NBEAL1: variants seen among roughly 807,000 people sequenced by gnomAD.
The protein encoded by NBEAL1 is neurobeachin like 1, also known as neurobeachin-like protein 1.
In NBEAL1, 273 loss-of-function variants were observed where a neutral mutation model predicts 351.3. That is an observed-to-expected ratio of 0.78 (90% CI 0.70 to 0.86). The LOEUF (loss-of-function observed/expected upper bound fraction) is 0.86, where lower values mean the gene tolerates loss of function less well. Ranked by LOEUF, NBEAL1 falls within the 40% of genes least tolerant of loss-of-function variation. The pLI is 0.00. For synonymous variants in NBEAL1, 1,050 were observed against 1,086.4 expected (o/e 0.97, Z 0.66); for missense variants, 2,961 against 3,201.3 (o/e 0.92, Z 1.81).
intron 45 of NBEAL1, among the ~76,000 whole-genome samples, chr2:203,189,915 C>G (rs2065017549): frequency 6.6e-6 from 1 of 151,674 alleles, no homozygotes; most frequent in Non-Finnish European, 1.5e-5. Flanking sequence ...GCAGGCAGAT[C>G]ACCTGAGGTC....
intron 16 of NBEAL1, 44 bp downstream of exon 16, chr2:203,112,142 A>G: frequency 6.6e-7 from 1 of 1,515,154 alleles, no homozygotes; most frequent in South Asian, 1.3e-5. Context: ...ATTGGTTGAG[A>G]ATTCTTGAAA....
intron 42 of NBEAL1, among the ~76,000 whole-genome samples, chr2:203,177,150 CAAAA>C (rs201081239): frequency 5.0e-5 from 3 of 60,378 alleles, no homozygotes; most frequent in Admixed American, 1.9e-4. Flanking sequence ...AGCTCTATCT[CAAAA>C]AAAAAAAAAA....
chr2:203,110,767 CTTTTT>C (rs71034215), intron 15 of NBEAL1, among the ~76,000 whole-genome samples: 1 of 106,716 alleles, frequency 9.4e-6, no homozygotes, highest in Non-Finnish European at 1.8e-5. Flanking sequence ...TTTCTTTTTT[CTTTTT>C]TTTTTTTTTT....
chr2:203,063,387 C>A (rs576666663), intron 6 of NBEAL1, among the ~76,000 whole-genome samples: 3 of 137,496 alleles, frequency 2.2e-5, no homozygotes, highest in Non-Finnish European at 3.1e-5. Context: ...TTGAAGCCTG[C>A]AGTGAGCTAT....
At chr2:203,117,566 CCTCCCAGTTCTTTTGTTT>C (rs771628706) in intron 18 of NBEAL1, among the ~76,000 whole-genome samples, 10 of 152,326 alleles carry the variant, frequency 6.6e-5, no homozygotes, top group Middle Eastern at 3.4e-3. Context: ...TTCTTTTCTT[CCTCCCAGTTCTTTTGTTT>C]CTCCCAGTTC....
At chr2:203,184,839 A>G (rs1247872400) in intron 44 of NBEAL1, among the ~76,000 whole-genome samples, 5 of 151,654 alleles carry the variant, frequency 3.3e-5, no homozygotes, top group Non-Finnish European at 7.4e-5. Flanking sequence ...AAGTGAGAGG[A>G]TCACTTGAGC....
At position 203,151,559 on chromosome 2, in the gene NBEAL1, G is replaced by A; in HGVS notation, c.5557G>A (p.Glu1853Lys). The change falls in exon 35 of 56, where the codon GAG (glutamate) becomes AAG (lysine). Residue 1853 changes from glutamate (E) to lysine (K), a missense_variant. By Grantham distance (56) the Glu-to-Lys change is moderately conservative (BLOSUM62 1). Coordinates refer to ENST00000683969, the MANE Select transcript of NBEAL1 (RefSeq NM_001378026.1). Reference protein sequence around the residue: ...LVPNYNFKTHEEASALRDNLG... With the variant: ...LVPNYNFKTHKEASALRDNLG... The stretch of plus-strand genomic sequence containing the variant: ...ACCGAATTATAATTTCAAAACCCAT[G>A]AGGAAGCTAGTGCCTTGAGAGATAA... 6 of 1,609,436 alleles carry A rather than the reference G, an allele frequency of 3.7e-6. No homozygotes were observed. Among genetic ancestry groups the A allele is most frequent in the Non-Finnish European group, 5.1e-6 (6 of 1,178,284 alleles).
chr2:203,141,357 A>ATTTTTT (rs1559399229), intron 31 of NBEAL1, among the ~76,000 whole-genome samples: 4 of 11,656 alleles, frequency 3.4e-4, no homozygotes, highest in Admixed American at 1.3e-3. Context: ...TATTATTATT[A>ATTTTTT]TTATTATTAT....
intron 43 of NBEAL1, chr2:203,181,464 A>C (rs1446805096): frequency 6.6e-6 from 1 of 152,156 alleles, no homozygotes. Context: ...TGAAGTAGAG[A>C]AGTATGGAGT....
In NBEAL1 at chr2:203,172,737, GATTTTACAAGATT is replaced by G; in HGVS notation, c.6210_6222del (p.Gln2072ArgfsTer21). On this transcript the variant is annotated frameshift_variant, in exon 41 of 56. Coordinates refer to ENST00000683969, the MANE Select transcript of NBEAL1 (RefSeq NM_001378026.1). LOFTEE classifies it high-confidence loss of function. ...AATTATGGCTCTTTTAGTTTCCCTG[GATTTTACAAGATT>G]ATACTTCGGAAGAGTTGGACCTTAA... 6.2e-7 allele frequency: 1 copy of G among 1,604,018 alleles called. No individual in the cohort carries two copies. The highest frequency in any genetic ancestry group is 8.5e-7 in the Non-Finnish European group (1 of 1,175,736).
At chr2:203,190,150 A>AC in intron 45 of NBEAL1, 142 bp from the exon 46 acceptor site, 3 of 542,732 alleles carry the variant, frequency 5.5e-6, no homozygotes, top group African/African-American at 4.1e-5. Context: ...AAAAAAAAAA[A>AC]GATGTGTGTA....
At chr2:203,014,854 C>T (rs1207345923), upstream of NBEAL1, 1 of 152,434 alleles carries the variant, frequency 6.6e-6, no homozygotes, top group Non-Finnish European at 1.5e-5. Context: ...CTCCCGGCCT[C>T]TCGCCCCGCC....
intron 24 of NBEAL1, 94 bp downstream of exon 24, chr2:203,128,031 G>A (rs2062983182): frequency 1.0e-6 from 1 of 967,894 alleles, no homozygotes; most frequent in African/African-American, 1.7e-5. Context: ...TAAATATTTT[G>A]AGAGTAAAAT....
At chr2:203,047,238 C>CAA (rs761484505) in intron 3 of NBEAL1, among the ~76,000 whole-genome samples, 1 of 127,016 alleles carries the variant, frequency 7.9e-6, no homozygotes, top group Non-Finnish European at 1.7e-5. Flanking sequence ...AACTCCATCT[C>CAA]AAAAAAAAAA....
In NBEAL1 at chr2:203,060,193, A is replaced by G. The variant is rs557735159; in HGVS notation, c.515+2740A>G. On this transcript the variant is annotated intron_variant, in intron 6 of 55. Coordinates refer to ENST00000683969, the MANE Select transcript of NBEAL1 (RefSeq NM_001378026.1). ...AAAGGAATCTTTAATAATAAGAGCAAAATGAATTTAAAGATGGGGAGAGAA... is the reference window on the plus strand; with the variant it reads ...AAAGGAATCTTTAATAATAAGAGCAGAATGAATTTAAAGATGGGGAGAGAA... Among the ~76,000 whole-genome samples, 349 of 152,376 alleles carry G rather than the reference A, an allele frequency of 2.3e-3. 1 individual carries two copies. The highest frequency in any genetic ancestry group is 7.8e-3 in the African/African-American group (325 of 41,598).
At chr2:203,043,649 GGCCCAGA>G (rs2061179688) in intron 3 of NBEAL1, among the ~76,000 whole-genome samples, 1 of 151,546 alleles carries the variant, frequency 6.6e-6, no homozygotes, top group African/African-American at 2.4e-5. Flanking sequence ...GGATCAATTT[GGCCCAGA>G]GAGTTGAGGC....
chr2:203,101,215 A>G (rs929631334), intron 12 of NBEAL1, among the ~76,000 whole-genome samples: 1 of 152,166 alleles, frequency 6.6e-6, no homozygotes, highest in Non-Finnish European at 1.5e-5. Context: ...AGTCTTCTGC[A>G]TATTGCTAGC....
At chr2:203,100,886 G>T (rs1047961549) in intron 12 of NBEAL1, among the ~76,000 whole-genome samples, 2 of 151,950 alleles carry the variant, frequency 1.3e-5, no homozygotes, top group Non-Finnish European at 2.9e-5. Context: ...TGTCCTTTGC[G>T]CACTTTTTAG....
chr2:203,206,400 C>G (rs1203836362), intron 51 of NBEAL1, among the ~76,000 whole-genome samples: 1 of 151,940 alleles, frequency 6.6e-6, no homozygotes, highest in Non-Finnish European at 1.5e-5. Context: ...CTCCCTCTCT[C>G]CCTCTGTCCC....
Sources: allele counts gnomAD v4.1 joint callset (sites outside exome capture counted in the v4.1 genomes callset), GRCh38; gene constraint gnomAD v4.1.1; transcripts MANE v1.5; gene names NCBI Gene and HGNC (gene_info 2026-07-23, HGNC 2026-07-21).